Variants in TCF3 observed in about 807,000 individuals in gnomAD.
TCF3 encodes transcription factor 3.
A neutral mutation model predicts 72.3 loss-of-function variants in TCF3; 54 were observed. The observed-to-expected ratio is 0.75, with a 90% confidence interval of 0.60 to 0.94. The LOEUF (loss-of-function observed/expected upper bound fraction) is 0.94, where lower values mean the gene tolerates loss of function less well. Ranked by LOEUF, TCF3 falls within the 40% of genes least tolerant of loss-of-function variation. The pLI, the probability that TCF3 is intolerant of heterozygous loss-of-function variation, is 0.00. For synonymous variants in TCF3, 525 were observed against 412.6 expected, an observed-to-expected ratio of 1.27 and a Z score of -3.30; for missense variants, 1,078 against 934.4, an observed-to-expected ratio of 1.15 and a Z score of -2.00.
chr19:1,651,878 C>A (rs2067149236), intron 1 of TCF3, among the ~76,000 whole-genome samples: 1 of 150,980 alleles, frequency 6.6e-6, no homozygotes, highest in Non-Finnish European at 1.5e-5. Context: ...GGACGTCCCT[C>A]CCGCGCGCTC....
At chr19:1,633,835 G>A (rs1426934613) in intron 3 of TCF3, among the ~76,000 whole-genome samples, 1 of 152,232 alleles carries the variant, frequency 6.6e-6, no homozygotes, top group Admixed American at 6.5e-5. Flanking sequence ...GGCAGCTGCT[G>A]AGGCCAGGGT....
At chr19:1,633,976 G>A (rs2064058254) in intron 3 of TCF3, among the ~76,000 whole-genome samples, 1 of 152,218 alleles carries the variant, frequency 6.6e-6, no homozygotes, top group Non-Finnish European at 1.5e-5. Flanking sequence ...ACCCCCAACT[G>A]AGCAAACGGG....
intron 7 of TCF3, 112 bp from the exon 8 acceptor site, chr19:1,624,112 G>T: frequency 9.2e-7 from 1 of 1,086,272 alleles, no homozygotes. Flanking sequence ...AAAAACCTCG[G>T]GTCGGCTGGG....
chr19:1,644,354 C>T (rs1256318480), intron 3 of TCF3, among the ~76,000 whole-genome samples: 1 of 151,568 alleles, frequency 6.6e-6, no homozygotes. Flanking sequence ...CCTCCACCAC[C>T]CCCGGGCTCA....
chr19:1,637,263 G>A (rs572449101), intron 3 of TCF3, among the ~76,000 whole-genome samples: 54 of 147,172 alleles, frequency 3.7e-4, no homozygotes, highest in Non-Finnish European at 6.7e-4. Flanking sequence ...AACCGAGGAC[G>A]CCTGGCAACC....
chr19:1,612,187 G>T, intron 18 of TCF3: 1 of 1,560,368 alleles, frequency 6.4e-7, no homozygotes, highest in Non-Finnish European at 8.7e-7. Context: ...TGCTGGGGCA[G>T]CCCTGGCCGG....
At chr19:1,627,480 GGC>G in intron 5 of TCF3, 54 bp from the exon 6 acceptor site, 2 of 1,562,422 alleles carry the variant, frequency 1.3e-6, no homozygotes, top group Non-Finnish European at 1.8e-6. Flanking sequence ...ACATCCTGAG[GGC>G]CCCCGAGTGC....
intron 3 of TCF3, among the ~76,000 whole-genome samples, chr19:1,639,915 A>C (rs1220019841): frequency 2.6e-4 from 39 of 152,190 alleles, no homozygotes; most frequent in Non-Finnish European, 1.5e-5. Flanking sequence ...TCTGAAAGTC[A>C]CCAAAAACTT....
intron 5 of TCF3, 51 bp downstream of exon 5, chr19:1,631,987 C>G: frequency 6.3e-7 from 1 of 1,593,258 alleles, no homozygotes; most frequent in Non-Finnish European, 8.5e-7. Flanking sequence ...CCAAGGCCCA[C>G]GTCTGCACAT....
Position 1,636,654 on chromosome 19 carries a change from G to A in TCF3, c.146-4249C>T, listed in dbSNP as rs115725061. ...GACCAGGATGCCCTCGGCCCAGCTC[G>A]CGCACTGCAGCCGCCCTGGGTTTAT... On this transcript the variant is annotated intron_variant, in intron 3 of 18. Transcript: ENST00000262965. 4.6e-3 allele frequency among the ~76,000 whole-genome samples: 704 copies of A among 151,998 alleles called. 5 individuals are homozygous for A. The highest frequency in any genetic ancestry group is 0.015 in the African/African-American group (642 of 41,458).
chr19:1,619,754 T>TGGGGC (rs1568358210), intron 14 of TCF3, 26 bp downstream of exon 14: 1 of 518,732 alleles, frequency 1.9e-6, no homozygotes, highest in Admixed American at 7.3e-5. Flanking sequence ...CGGGGAAGGG[T>TGGGGC]GGGGTGGGGC....
chr19:1,634,242 A>C (rs2064096317), intron 3 of TCF3, among the ~76,000 whole-genome samples: 1 of 152,274 alleles, frequency 6.6e-6, no homozygotes, highest in African/African-American at 2.4e-5. Flanking sequence ...GATGCATTTT[A>C]ATAACCCACC....
At chr19:1,645,960 G>A (rs2066025065) in intron 3 of TCF3, among the ~76,000 whole-genome samples, 1 of 152,126 alleles carries the variant, frequency 6.6e-6, no homozygotes, top group Non-Finnish European at 1.5e-5. Context: ...GATCCAGTGA[G>A]AGCCGGGATC....
In TCF3 at chr19:1,619,240, G is replaced by T. The variant is rs776832736; in HGVS notation, c.1327-6C>A. The T allele has an allele frequency of 6.3e-7, 1 of 1,589,822 alleles. No homozygotes were observed. The highest frequency in any genetic ancestry group is 1.3e-5 in the African/African-American group (1 of 74,912). ...TCGGGGTGGCTGCCTCCAACCTGCA[G>T]GCGTGGGGAGACGGGTGCATCAGGG... On this transcript the variant is annotated splice_region_variant and splice_polypyrimidine_tract_variant and intron_variant, in intron 15 of 18. Transcript: ENST00000262965.
At chr19:1,648,761 C>T (rs919619667) in intron 2 of TCF3, among the ~76,000 whole-genome samples, 3 of 150,820 alleles carry the variant, frequency 2.0e-5, no homozygotes, top group African/African-American at 7.3e-5. Flanking sequence ...GGGTTAAATT[C>T]AGACTGAAAG....
chr19:1,625,463 T>C lies in TCF3; in HGVS notation c.499+113A>G, dbSNP rs774727189. On this transcript the variant is annotated intron_variant, in intron 7 of 18. Transcript: ENST00000262965. ...GAGCGCCCGACGTCCAGCCAGGACC[T>C]GGAAGGTGCGGGGTCTGCTCCCTCT... 5.4e-6 allele frequency: 7 copies of C among 1,302,360 alleles called. No homozygotes were observed. In the South Asian group the frequency reaches 9.8e-5, roughly 18 times the overall value. 80.7% of individuals were successfully genotyped at this position (1,302,360 alleles called of 1,614,324 possible).
At chr19:1,627,207 C>A in intron 6 of TCF3, 152 bp downstream of exon 6, 3 of 477,402 alleles carry the variant, frequency 6.3e-6, no homozygotes, top group South Asian at 2.3e-5. Flanking sequence ...TCCACACCCA[C>A]CCAGCCCACC....
At chr19:1,616,628 C>G (rs2061575308) in intron 16 of TCF3, 1 of 152,132 alleles carries the variant, frequency 6.6e-6, no homozygotes, top group African/African-American at 2.4e-5. Flanking sequence ...ACAGGCCGGG[C>G]ACAGTGGCTG....
At position 1,625,684 on chromosome 19, in the gene TCF3, C is replaced by A. The variant is rs1327800188; in HGVS notation, c.391G>T (p.Ala131Ser). ...TQAGFLSGEL[A>S]LNSPGPLSPS... The stretch of plus-strand genomic sequence containing the variant: ...GACAGGGGCCCGGGGCTGTTGAGGG[C>A]CAGCTCGCCTGACAGGAAGCCAGCC... The change falls in exon 7 of 19, where the codon GCC (alanine) becomes TCC (serine). Residue 131 changes from alanine (A) to serine (S), a missense_variant. Transcript: ENST00000262965. 6.6e-7 allele frequency: 1 copy of A among 1,518,196 alleles called. No individual in the cohort carries two copies. Among genetic ancestry groups the A allele is most frequent in the South Asian group, 1.3e-5 (1 of 79,474 alleles). The allele number at this position is 1,518,196 out of a possible 1,614,324, so 94.0% of individuals were successfully genotyped here. A position where few individuals can be genotyped will look rare whatever the true frequency, so the allele number is the denominator to read the frequency against.
Sources: allele counts gnomAD v4.1 joint callset (sites outside exome capture counted in the v4.1 genomes callset), GRCh38; gene constraint gnomAD v4.1.1; transcripts MANE v1.5; gene names NCBI Gene and HGNC (gene_info 2026-07-23, HGNC 2026-07-21).